Variants in UBAC2 observed in about 807,000 individuals in gnomAD.
UBAC2 encodes the protein ubiquitin-associated domain-containing protein 2.
UBAC2 carries 26 observed loss-of-function variants against 44.0 expected under a neutral mutation model. The ratio of observed to expected loss-of-function variants is 0.59; its 90% CI spans 0.43 to 0.82. The LOEUF (loss-of-function observed/expected upper bound fraction) is 0.82. Ranked by LOEUF, UBAC2 falls within the 40% of genes least tolerant of loss-of-function variation. The pLI is 0.00. For synonymous variants in UBAC2, 155 were observed against 154.3 expected (o/e 1.00, Z -0.04); for missense variants, 329 against 419.4 (o/e 0.78, Z 1.88).
intron 6 of UBAC2, among the ~76,000 whole-genome samples, chr13:99,334,524 A>C (rs1241456415): frequency 6.6e-6 from 1 of 152,234 alleles, no homozygotes; most frequent in Non-Finnish European, 1.5e-5. Context: ...GTGAGGACTT[A>C]CTGTAGGGTC....
chr13:99,350,411 C>T (rs138660550), intron 7 of UBAC2, among the ~76,000 whole-genome samples: 189 of 152,282 alleles, frequency 1.2e-3, no homozygotes, highest in African/African-American at 4.4e-3. Context: ...CCACCCCCAA[C>T]CTCTGTGATT....
intron 6 of UBAC2, among the ~76,000 whole-genome samples, chr13:99,337,340 ATCTTTT>A (rs1183880697): frequency 6.6e-6 from 1 of 151,628 alleles, no homozygotes; most frequent in East Asian, 1.9e-4. Flanking sequence ...ATCCCTTATT[ATCTTTT>A]TCTTTTTTTT....
chr13:99,337,083 G>T (rs1291622311), intron 6 of UBAC2, among the ~76,000 whole-genome samples: 1 of 152,134 alleles, frequency 6.6e-6, no homozygotes, highest in African/African-American at 2.4e-5. Context: ...AAGTGGAATC[G>T]TGTTTTCAGG....
intron 4 of UBAC2, among the ~76,000 whole-genome samples, chr13:99,283,003 T>C (rs1410474917): frequency 6.6e-6 from 1 of 152,222 alleles, no homozygotes; most frequent in Non-Finnish European, 1.5e-5. Context: ...CTGTTTTGGC[T>C]GGATTGTTAG....
At chr13:99,341,074 T>C (rs2044878109) in intron 7 of UBAC2, among the ~76,000 whole-genome samples, 1 of 152,234 alleles carries the variant, frequency 6.6e-6, no homozygotes, top group African/African-American at 2.4e-5. Flanking sequence ...TCAGAAATTA[T>C]TGCACATTTG....
In UBAC2 at chr13:99,312,185, G is replaced by A. The variant is rs1594115671; in HGVS notation, c.390-1912G>A. On this transcript the variant is annotated intron_variant, in intron 4 of 8. Transcript: ENST00000403766. ...AGGACAGTGCATTTTTTAAAATAAC[G>A]TAGTCTCTATCAAGGATGAGAAATT... Among the ~76,000 whole-genome samples the A allele has an allele frequency of 2.6e-5, 4 of 152,188 alleles. No individual in the cohort carries two copies. In the East Asian group the frequency reaches 5.8e-4, roughly 22 times the overall value.
At chr13:99,376,303 C>T (rs1204479998) in intron 8 of UBAC2, among the ~76,000 whole-genome samples, 1 of 152,194 alleles carries the variant, frequency 6.6e-6, no homozygotes, top group Non-Finnish European at 1.5e-5. Flanking sequence ...AGTGTCACAC[C>T]AGGGCTGGTG....
intron 8 of UBAC2, among the ~76,000 whole-genome samples, chr13:99,375,583 A>C (rs998168806): frequency 2.1e-5 from 3 of 145,380 alleles, no homozygotes; most frequent in Non-Finnish European, 3.0e-5. Flanking sequence ...GTAAAAACCC[A>C]AAAAAAACAT....
chr13:99,375,582 C>CA (rs143196588), intron 8 of UBAC2, among the ~76,000 whole-genome samples: 3,321 of 151,564 alleles, frequency 0.022, 60 homozygotes, highest in African/African-American at 0.042. Context: ...AGTAAAAACC[C>CA]AAAAAAAACA....
chr13:99,213,184 A>C (rs550482350), intron 1 of UBAC2, among the ~76,000 whole-genome samples: 1 of 152,106 alleles, frequency 6.6e-6, no homozygotes, highest in Non-Finnish European at 1.5e-5. Flanking sequence ...TCAGATATTA[A>C]AAAACGTGAG....
intron 4 of UBAC2, among the ~76,000 whole-genome samples, chr13:99,274,825 C>T (rs898648825): frequency 9.9e-5 from 15 of 151,694 alleles, no homozygotes; most frequent in African/African-American, 3.6e-4. Flanking sequence ...TCAGGTGATC[C>T]TCCCACCTCA....
rs1555330450 is a variant in UBAC2 at position 99,338,071 on chromosome 13, T to TTTTTTTTTTTTTTTTTTTA, written c.562-2245_562-2244insTTTTTTTTTTTTTTATTTT. ...TCTTTTTTTTTTTTTTTTTTTTTTT[T>TTTTTTTTTTTTTTTTTTTA]TTTTGAGACAGAGTCTCACTGTGTC... On this transcript the variant is annotated intron_variant, in intron 6 of 8. Coordinates refer to ENST00000403766, the MANE Select transcript of UBAC2 (RefSeq NM_001144072.2). Among the ~76,000 whole-genome samples the TTTTTTTTTTTTTTTTTTTA allele has an allele frequency of 7.5e-4, 79 of 105,134 alleles. 1 individual carries two copies. The highest frequency in any genetic ancestry group is 1.2e-3 in the Non-Finnish European group (62 of 52,662). 69.0% of individuals were successfully genotyped at this position (105,134 alleles called of 152,430 possible).
chr13:99,253,183 CTG>C (rs1471832446), intron 4 of UBAC2, among the ~76,000 whole-genome samples: 7 of 151,320 alleles, frequency 4.6e-5, no homozygotes, highest in African/African-American at 7.3e-5. Context: ...AAACTAAAAA[CTG>C]TGTTTTTCTC....
intron 4 of UBAC2, among the ~76,000 whole-genome samples, chr13:99,277,478 T>C (rs2043899063): frequency 6.6e-6 from 1 of 151,438 alleles, no homozygotes; most frequent in Non-Finnish European, 1.5e-5. Flanking sequence ...TGAGCCGAGA[T>C]CACACCATTG....
intron 4 of UBAC2, among the ~76,000 whole-genome samples, chr13:99,266,565 G>T (rs2043746567): frequency 6.6e-6 from 1 of 152,072 alleles, no homozygotes; most frequent in African/African-American, 2.4e-5. Flanking sequence ...TTCTCTGTAG[G>T]ACTATGTGTA....
intron 7 of UBAC2, among the ~76,000 whole-genome samples, chr13:99,350,548 G>C (rs2045068166): frequency 6.6e-6 from 1 of 152,240 alleles, no homozygotes; most frequent in South Asian, 2.1e-4. Flanking sequence ...ATGTGTGCTG[G>C]AGCAGGGTGC....
At chr13:99,246,631 A>G (rs2043386996) in intron 4 of UBAC2, among the ~76,000 whole-genome samples, 1 of 152,224 alleles carries the variant, frequency 6.6e-6, no homozygotes, top group African/African-American at 2.4e-5. Flanking sequence ...GAACTTTCAT[A>G]TTCATTTATT....
intron 7 of UBAC2, among the ~76,000 whole-genome samples, chr13:99,366,033 A>G (rs1923896): frequency 0.26 from 39,762 of 152,018 alleles, 6,139 homozygotes; most frequent in Non-Finnish European, 0.35. Flanking sequence ...TTCTTTGATT[A>G]GTATTTCTCT....
At chr13:99,369,440 C>T (rs1186012628) in intron 8 of UBAC2, among the ~76,000 whole-genome samples, 1 of 152,048 alleles carries the variant, frequency 6.6e-6, no homozygotes, top group Non-Finnish European at 1.5e-5. Flanking sequence ...ACTTGCAGCA[C>T]GATACTCAAT....
Sources: allele counts gnomAD v4.1 joint callset (sites outside exome capture counted in the v4.1 genomes callset), GRCh38; gene constraint gnomAD v4.1.1; transcripts MANE v1.5; gene names NCBI Gene and HGNC (gene_info 2026-07-23, HGNC 2026-07-21).